Variants in CHRNA7 observed in about 807,000 individuals in gnomAD.
The protein encoded by CHRNA7 is cholinergic receptor nicotinic alpha 7 subunit, also known as neuronal acetylcholine receptor subunit alpha-7.
In CHRNA7, 17 loss-of-function variants were observed where a neutral mutation model predicts 48.0. The ratio of observed to expected loss-of-function variants is 0.35; its 90% CI spans 0.24 to 0.53. The LOEUF is 0.53. CHRNA7 is among the 20% of genes least tolerant of loss of function. CHRNA7 has a pLI of 0.92. For missense variants in CHRNA7, 155 were observed against 577.7 expected (o/e 0.27, Z 7.50); for synonymous variants, 75 against 242.3 (o/e 0.31, Z 6.41).
chr15:32,114,501 C>T (rs566586150), intron 4 of CHRNA7, among the ~76,000 whole-genome samples: 1 of 152,320 alleles, frequency 6.6e-6, no homozygotes, highest in Non-Finnish European at 1.5e-5. Context: ...CCATGGTGGA[C>T]ATAGACCACG....
intron 3 of CHRNA7, chr15:32,102,645 TTA>T (rs1286274199): frequency 2.0e-5 from 3 of 152,214 alleles, no homozygotes; most frequent in Non-Finnish European, 4.4e-5. Flanking sequence ...TATTGGCAAT[TTA>T]TATCTCTGCC....
At chr15:32,119,020 A>G (rs1005170355) in intron 4 of CHRNA7, among the ~76,000 whole-genome samples, 1 of 151,852 alleles carries the variant, frequency 6.6e-6, no homozygotes, top group Non-Finnish European at 1.5e-5. Flanking sequence ...GAGGGAAGAG[A>G]AAAAAAGACA....
intron 4 of CHRNA7, among the ~76,000 whole-genome samples, chr15:32,116,592 C>T (rs889638753): frequency 6.6e-6 from 1 of 152,150 alleles, no homozygotes; most frequent in Non-Finnish European, 1.5e-5. Flanking sequence ...GATGGCTTGC[C>T]GTGATTTTCC....
intron 4 of CHRNA7, among the ~76,000 whole-genome samples, chr15:32,132,773 G>T (rs572728500): frequency 3.3e-5 from 5 of 152,114 alleles, no homozygotes; most frequent in African/African-American, 1.2e-4. Flanking sequence ...ATTTAACCCT[G>T]GTCAGCTCTT....
chr15:32,122,222 G>A (rs1028502823), intron 4 of CHRNA7, among the ~76,000 whole-genome samples: 12 of 152,218 alleles, frequency 7.9e-5, no homozygotes, highest in Admixed American at 3.3e-4. Flanking sequence ...GGAGGGAGTT[G>A]CTGGAGGCCA....
intron 4 of CHRNA7, among the ~76,000 whole-genome samples, chr15:32,141,723 T>A (rs2051382654): frequency 6.6e-6 from 1 of 152,218 alleles, no homozygotes; most frequent in East Asian, 1.9e-4. Flanking sequence ...GTTCTCTGTT[T>A]GTCTGTTATT....
chr15:32,113,451 G>C (rs555117342), intron 4 of CHRNA7, among the ~76,000 whole-genome samples: 15 of 152,322 alleles, frequency 9.8e-5, no homozygotes, highest in African/African-American at 3.4e-4. Context: ...AGTCCATAAT[G>C]AGGGCATTGT....
intron 4 of CHRNA7, among the ~76,000 whole-genome samples, chr15:32,137,277 A>G (rs1411831342): frequency 1.3e-5 from 2 of 152,038 alleles, no homozygotes; most frequent in Non-Finnish European, 2.9e-5. Flanking sequence ...GGATGAACGC[A>G]AAAAAGGAAA....
chr15:32,089,785 A>C (rs1333664712), intron 2 of CHRNA7, among the ~76,000 whole-genome samples: 2 of 152,218 alleles, frequency 1.3e-5, no homozygotes, highest in Non-Finnish European at 2.9e-5. Context: ...AGAAATGGTC[A>C]TGACATTATG....
At chr15:32,067,930 A>G (rs2049992056) in intron 2 of CHRNA7, among the ~76,000 whole-genome samples, 1 of 152,238 alleles carries the variant, frequency 6.6e-6, no homozygotes, top group African/African-American at 2.4e-5. Flanking sequence ...AGTGGAGAAC[A>G]TCTGCTTAAC....
At chr15:32,067,583 G>T (rs1329563073) in intron 2 of CHRNA7, among the ~76,000 whole-genome samples, 1 of 152,206 alleles carries the variant, frequency 6.6e-6, no homozygotes. Context: ...AAGAATATCA[G>T]TAAGTAACTA....
chr15:32,128,094 G>GA (rs776250730), intron 4 of CHRNA7, among the ~76,000 whole-genome samples: 1 of 151,936 alleles, frequency 6.6e-6, no homozygotes, highest in Admixed American at 6.5e-5. Context: ...GAATTGCTTT[G>GA]AAAAAATCAG....
Position 32,035,028 on chromosome 15 carries a change from A to G in CHRNA7, c.195+3991A>G, listed in dbSNP as rs538628052. Among the ~76,000 whole-genome samples the G allele has an allele frequency of 8.5e-5, 13 of 152,324 alleles. No individual in the cohort carries two copies. The South Asian group carries it at 2.5e-3, about 29-fold the overall frequency. Reference sequence around the variant, plus strand: ...GGGGCAGATTTAAGAGATGTTTTGGATATATTGTCTATGATCTATAACTGT... The same window carrying G: ...GGGGCAGATTTAAGAGATGTTTTGGGTATATTGTCTATGATCTATAACTGT... On this transcript the variant is annotated intron_variant, in intron 2 of 9. Coordinates refer to ENST00000306901, the MANE Select transcript of CHRNA7 (RefSeq NM_000746.6).
intron 3 of CHRNA7, among the ~76,000 whole-genome samples, chr15:32,104,753 C>T (rs1296372544): frequency 6.6e-6 from 1 of 152,186 alleles, no homozygotes; most frequent in Non-Finnish European, 1.5e-5. Flanking sequence ...TCCTGAATGG[C>T]CGTGCAGCAC....
rs545403606 is a variant in CHRNA7 at position 32,111,909 on chromosome 15, T to A, written c.350+10T>A. 1.0e-5 allele frequency: 15 copies of A among 1,496,698 alleles called. No individual in the cohort carries two copies. The Admixed American group carries it at 1.8e-4, about 18-fold the overall frequency. 92.7% of individuals were successfully genotyped at this position (1,496,698 alleles called of 1,614,324 possible). Reference sequence around the variant, plus strand: ...TTCTTCTCTATAACAGGTAAGCATATTGAACAAAGGAAAAAAATGATTTTA... The same window carrying A: ...TTCTTCTCTATAACAGGTAAGCATAATGAACAAAGGAAAAAAATGATTTTA... On this transcript the variant is annotated intron_variant, in intron 4 of 9. Transcript: ENST00000306901.
intron 3 of CHRNA7, among the ~76,000 whole-genome samples, chr15:32,106,905 C>A: frequency 6.6e-6 from 1 of 152,100 alleles, no homozygotes; most frequent in Admixed American, 6.6e-5. Flanking sequence ...CATTCATCAT[C>A]ACTTGATCTC....
chr15:32,110,110 T>C (rs2050738959), intron 3 of CHRNA7, among the ~76,000 whole-genome samples: 1 of 152,198 alleles, frequency 6.6e-6, no homozygotes, highest in Non-Finnish European at 1.5e-5. Context: ...GGCTCTGTGA[T>C]AATTAGTGAC....
chr15:32,064,508 T>C (rs1232026689), intron 2 of CHRNA7, among the ~76,000 whole-genome samples: 1 of 151,946 alleles, frequency 6.6e-6, no homozygotes, highest in Non-Finnish European at 1.5e-5. Context: ...TGTGTATGTG[T>C]GTGTGTGGTG....
intron 2 of CHRNA7, among the ~76,000 whole-genome samples, chr15:32,038,561 GT>G (rs2049393172): frequency 6.6e-6 from 1 of 152,170 alleles, no homozygotes; most frequent in Non-Finnish European, 1.5e-5. Context: ...TTGAGACGGG[GT>G]TTCACTATGT....
Sources: allele counts gnomAD v4.1 joint callset (sites outside exome capture counted in the v4.1 genomes callset), GRCh38; gene constraint gnomAD v4.1.1; transcripts MANE v1.5; gene names NCBI Gene and HGNC (gene_info 2026-07-23, HGNC 2026-07-21).